PTPRK: variants seen among roughly 807,000 people sequenced by gnomAD.
PTPRK encodes the protein protein tyrosine phosphatase receptor type K.
PTPRK carries 75 observed loss-of-function variants against 178.0 expected under a neutral mutation model. The observed-to-expected ratio is 0.42, with a 90% CI of 0.35 to 0.51. The LOEUF (loss-of-function observed/expected upper bound fraction) is 0.51. Among genes scored for constraint, PTPRK ranks in the 20% least tolerant of loss-of-function variants. PTPRK has a pLI of 0.02. For synonymous variants in PTPRK, 637 were observed against 620.6 expected (o/e 1.03, Z -0.39); for missense variants, 1,441 against 1,797.8 (o/e 0.80, Z 3.59).
intron 6 of PTPRK, among the ~76,000 whole-genome samples, chr6:128,207,323 C>T (rs1168836870): frequency 6.6e-6 from 1 of 152,134 alleles, no homozygotes. Flanking sequence ...TAGTGCCTTT[C>T]ACCTACAGTG....
At chr6:127,987,962 A>G (rs984439105) in intron 21 of PTPRK, among the ~76,000 whole-genome samples, 1 of 152,170 alleles carries the variant, frequency 6.6e-6, no homozygotes, top group Non-Finnish European at 1.5e-5. Flanking sequence ...GCATTAATCT[A>G]TTAAAGTCAT....
intron 2 of PTPRK, among the ~76,000 whole-genome samples, chr6:128,341,169 T>C (rs886617733): frequency 6.6e-6 from 1 of 152,162 alleles, no homozygotes; most frequent in Non-Finnish European, 1.5e-5. Flanking sequence ...TAAAATGTGA[T>C]ACAGTTCACC....
At chr6:128,170,455 G>A (rs1800069524) in intron 7 of PTPRK, among the ~76,000 whole-genome samples, 1 of 151,898 alleles carries the variant, frequency 6.6e-6, no homozygotes, top group Admixed American at 6.6e-5. Flanking sequence ...CTTATTTGGG[G>A]GGTTAAAGAA....
chr6:128,348,178 T>C (rs771187454), intron 2 of PTPRK, among the ~76,000 whole-genome samples: 13 of 151,996 alleles, frequency 8.6e-5, no homozygotes, highest in Non-Finnish European at 1.9e-4. Flanking sequence ...TCCAAGTACA[T>C]ACTTATTTAT....
chr6:128,020,654 T>C (rs1021713135), intron 13 of PTPRK, among the ~76,000 whole-genome samples: 1 of 152,164 alleles, frequency 6.6e-6, no homozygotes, highest in Non-Finnish European at 1.5e-5. Context: ...ATTTGAATAT[T>C]AGAGAAAGAA....
rs1454477802 is a variant in PTPRK, at chr6:128,205,870, A to G, written c.868+13052T>C. Among the ~76,000 whole-genome samples, 4 of 151,192 alleles carry G rather than the reference A, an allele frequency of 2.6e-5. No individual in the cohort carries two copies. In the South Asian group the frequency reaches 8.3e-4, roughly 32 times the overall value. On this transcript the variant is annotated intron_variant, in intron 6 of 29. Transcript: ENST00000368226. ...AGGGACATGCCCTGCTTATTGACAT[A>G]TTTCATTCAAAAGATAAGTCACATT...
intron 1 of PTPRK, among the ~76,000 whole-genome samples, chr6:128,428,647 G>A (rs974342638): frequency 2.0e-5 from 3 of 152,174 alleles, no homozygotes; most frequent in African/African-American, 7.2e-5. Flanking sequence ...ACATCAACAA[G>A]TTAACTAACC....
chr6:128,259,432 T>A (rs1201903518), intron 3 of PTPRK, among the ~76,000 whole-genome samples: 1 of 152,172 alleles, frequency 6.6e-6, no homozygotes, highest in African/African-American at 2.4e-5. Context: ...TGTATTATGA[T>A]TCCACTGAAT....
intron 5 of PTPRK, among the ~76,000 whole-genome samples, chr6:128,226,085 C>T (rs1033347747): frequency 6.6e-6 from 1 of 152,136 alleles, no homozygotes; most frequent in Non-Finnish European, 1.5e-5. Context: ...ACGGACAGAG[C>T]AGGTGTAAGT....
At chr6:128,211,816 G>A (rs1027643698) in intron 6 of PTPRK, among the ~76,000 whole-genome samples, 15 of 151,986 alleles carry the variant, frequency 9.9e-5, no homozygotes, top group Non-Finnish European at 2.1e-4. Flanking sequence ...TGAAGTGGAG[G>A]GGAGAGTGGG....
intron 7 of PTPRK, among the ~76,000 whole-genome samples, chr6:128,166,008 T>C (rs566799737): frequency 1.3e-5 from 2 of 151,706 alleles, no homozygotes; most frequent in Admixed American, 6.6e-5. Flanking sequence ...TCTAGATATA[T>C]GTAAGGATAA....
intron 7 of PTPRK, among the ~76,000 whole-genome samples, chr6:128,178,222 C>T (rs1801382823): frequency 6.6e-6 from 1 of 151,764 alleles, no homozygotes; most frequent in Admixed American, 6.6e-5. Context: ...TTTATTGTAT[C>T]ATTTATTATA....
intron 11 of PTPRK, among the ~76,000 whole-genome samples, chr6:128,070,941 T>G (rs1582848658): frequency 6.6e-6 from 1 of 151,994 alleles, no homozygotes; most frequent in South Asian, 2.1e-4. Flanking sequence ...ATATCTAAGA[T>G]ACTCTTTTTC....
intron 6 of PTPRK, among the ~76,000 whole-genome samples, chr6:128,205,856 C>T (rs1806865262): frequency 6.7e-6 from 1 of 150,338 alleles, no homozygotes; most frequent in Non-Finnish European, 1.5e-5. Context: ...GGGACATGCC[C>T]TGCTTATTGA....
At chr6:128,304,198 T>C (rs900708963) in intron 3 of PTPRK, among the ~76,000 whole-genome samples, 1 of 152,222 alleles carries the variant, frequency 6.6e-6, no homozygotes, top group Non-Finnish European at 1.5e-5. Context: ...AACCTAAGTA[T>C]ACTAGTTAGA....
intron 6 of PTPRK, among the ~76,000 whole-genome samples, chr6:128,196,451 A>C (rs1804876541): frequency 6.6e-6 from 1 of 152,124 alleles, no homozygotes; most frequent in African/African-American, 2.4e-5. Flanking sequence ...GTTCAAAGAC[A>C]TTTTATACCA....
At chr6:128,267,936 C>T (rs1819210914) in intron 3 of PTPRK, among the ~76,000 whole-genome samples, 1 of 151,922 alleles carries the variant, frequency 6.6e-6, no homozygotes, top group Non-Finnish European at 1.5e-5. Context: ...ACTACTGGGG[C>T]TAAGAGACCA....
intron 8 of PTPRK, among the ~76,000 whole-genome samples, chr6:128,087,236 TCAAAATGAATTCTATTAC>T (rs1786032600): frequency 1.3e-5 from 2 of 152,026 alleles, no homozygotes; most frequent in African/African-American, 4.8e-5. Context: ...AAAAATACCA[TCAAAATGAATTCTATTAC>T]TAGAGAGTGA....
intron 4 of PTPRK, among the ~76,000 whole-genome samples, chr6:128,241,948 A>AT (rs1202951832): frequency 0.086 from 10,869 of 126,178 alleles, 1,003 homozygotes; most frequent in African/African-American, 0.23. Context: ...CGCCTGGCTA[A>AT]TTTTTTTTTT....
Sources: allele counts gnomAD v4.1 joint callset (sites outside exome capture counted in the v4.1 genomes callset), GRCh38; gene constraint gnomAD v4.1.1; transcripts MANE v1.5; gene names NCBI Gene and HGNC (gene_info 2026-07-23, HGNC 2026-07-21).